The following GABRB1 variants were observed in gnomAD, a reference collection of about 807,000 sequenced individuals.
The protein encoded by GABRB1 is gamma-aminobutyric acid type A receptor subunit beta1.
GABRB1 carries 17 observed loss-of-function variants against 51.6 expected under a neutral mutation model. That is an observed-to-expected ratio of 0.33 (90% CI 0.23 to 0.49). GABRB1 has a LOEUF of 0.49. GABRB1 is among the 20% of genes least tolerant of loss of function. The probability of loss-of-function intolerance (pLI) is 0.99; values close to 1 mark genes in which losing one functional copy is unlikely to be tolerated. For synonymous variants in GABRB1, 247 were observed against 218.9 expected (o/e 1.13, Z -1.14); for missense variants, 410 against 600.6 (o/e 0.68, Z 3.32).
At chr4:47,374,153 G>T (rs2110021858) in intron 5 of GABRB1, among the ~76,000 whole-genome samples, 1 of 152,332 alleles carries the variant, frequency 6.6e-6, no homozygotes, top group Non-Finnish European at 1.5e-5. Flanking sequence ...TTCCCGCAAG[G>T]TATATGTGAT....
rs538969135 is a variant in GABRB1, at chr4:47,006,146, C to A, written c.-20+12220C>A. On this transcript the variant is annotated intron_variant, in intron 1 of 3. Transcript: ENST00000513567. Reference sequence around the variant, plus strand: ...TAGATCATTTCCGACAGAATTATAACGAAAAATGTGTTTTTCTCTGTCCCT... The same window carrying A: ...TAGATCATTTCCGACAGAATTATAAAGAAAAATGTGTTTTTCTCTGTCCCT... 3.3e-5 allele frequency among the ~76,000 whole-genome samples: 5 copies of A among 151,894 alleles called. No homozygotes were observed. The East Asian group carries it at 9.7e-4, about 30-fold the overall frequency.
chr4:47,088,599 A>G (rs1311694161), intron 3 of GABRB1, among the ~76,000 whole-genome samples: 4 of 152,350 alleles, frequency 2.6e-5, no homozygotes, highest in African/African-American at 9.6e-5. Flanking sequence ...TGTACTTAGT[A>G]CCAGGAGAAA....
At chr4:47,117,506 C>T (rs980523273) in intron 3 of GABRB1, among the ~76,000 whole-genome samples, 10 of 152,102 alleles carry the variant, frequency 6.6e-5, no homozygotes, top group Admixed American at 5.9e-4. Flanking sequence ...TCATGATCCT[C>T]CCATTTCAAC....
intron 4 of GABRB1, among the ~76,000 whole-genome samples, chr4:47,166,188 A>C (rs1718178009): frequency 6.6e-6 from 1 of 152,092 alleles, no homozygotes; most frequent in African/African-American, 2.4e-5. Flanking sequence ...ATTTTATCCC[A>C]TAAACATTTC....
chr4:47,202,203 A>T (rs559637464), intron 4 of GABRB1, among the ~76,000 whole-genome samples: 1 of 152,274 alleles, frequency 6.6e-6, no homozygotes, highest in Admixed American at 6.5e-5. Flanking sequence ...AGCTCTCACA[A>T]GATCTGATGG....
At chr4:47,288,528 C>T (rs1311033174) in intron 4 of GABRB1, among the ~76,000 whole-genome samples, 1 of 152,102 alleles carries the variant, frequency 6.6e-6, no homozygotes, top group African/African-American at 2.4e-5. Context: ...TCCCAAAATG[C>T]TGGGATTACA....
chr4:47,132,488 G>T (rs935346606), intron 3 of GABRB1, among the ~76,000 whole-genome samples: 2 of 151,982 alleles, frequency 1.3e-5, no homozygotes, highest in African/African-American at 2.4e-5. Flanking sequence ...TATTTTTAGA[G>T]GATAGGATTT....
chr4:47,132,347 T>A (rs1389175071), intron 3 of GABRB1, among the ~76,000 whole-genome samples: 1 of 152,192 alleles, frequency 6.6e-6, no homozygotes, highest in Admixed American at 6.6e-5. Flanking sequence ...TGGGCTTGTT[T>A]ACCATCTCTG....
At chr4:47,080,885 G>T (rs995926990) in intron 3 of GABRB1, among the ~76,000 whole-genome samples, 4 of 152,126 alleles carry the variant, frequency 2.6e-5, no homozygotes, top group Non-Finnish European at 4.4e-5. Context: ...ACACAAATGG[G>T]CTTTGCTTGG....
At chr4:47,042,843 T>C (rs1317006192) in intron 3 of GABRB1, among the ~76,000 whole-genome samples, 1 of 152,056 alleles carries the variant, frequency 6.6e-6, no homozygotes, top group Non-Finnish European at 1.5e-5. Flanking sequence ...TGCCTAGTCA[T>C]TTTGTATGTA....
Position 47,406,638 on chromosome 4 carries a change from T to C in GABRB1, c.836-44T>C, listed in dbSNP as rs559346676. Reference sequence around the variant, plus strand: ...TCCTCTCAATCTTGAAAAAGGAACTTAATAGTGGCACCTTCAGCTAAGTGT... The same window carrying C: ...TCCTCTCAATCTTGAAAAAGGAACTCAATAGTGGCACCTTCAGCTAAGTGT... On this transcript the variant is annotated intron_variant, in intron 7 of 8. Transcript: ENST00000295454. 3.1e-6 allele frequency: 5 copies of C among 1,611,592 alleles called. No individual in the cohort carries two copies. In the South Asian group the frequency reaches 5.5e-5, roughly 18 times the overall value.
chr4:47,226,711 A>G (rs983851945), intron 4 of GABRB1, among the ~76,000 whole-genome samples: 1 of 152,154 alleles, frequency 6.6e-6, no homozygotes, highest in Admixed American at 6.6e-5. Flanking sequence ...ACCTATAAAT[A>G]TCTCAATAAA....
intron 5 of GABRB1, among the ~76,000 whole-genome samples, chr4:47,350,408 T>C (rs1726284458): frequency 6.6e-6 from 1 of 151,536 alleles, no homozygotes; most frequent in Non-Finnish European, 1.5e-5. Flanking sequence ...CAAACTCCCC[T>C]ATAATGCAGT....
rs188690877 is a variant in GABRB1, at chr4:47,328,148, T to A, written c.544+7939T>A. 7.0e-4 allele frequency among the ~76,000 whole-genome samples: 106 copies of A among 152,332 alleles called. 1 individual carries two copies. In the East Asian group the frequency reaches 0.017, roughly 24 times the overall value. ...CTGTTCATATCCTTTGCCCACTTTT[T>A]GATGGGGTTGTTTGTTTTTTTTCTT... On this transcript the variant is annotated intron_variant, in intron 5 of 8. Transcript: ENST00000295454.
chr4:47,052,686 G>A (rs1274491957), intron 3 of GABRB1, among the ~76,000 whole-genome samples: 1 of 152,158 alleles, frequency 6.6e-6, no homozygotes, highest in Non-Finnish European at 1.5e-5. Flanking sequence ...TGGCTCTGCT[G>A]ATCTGTCTGT....
At chr4:47,065,953 C>G (rs889272066) in intron 3 of GABRB1, among the ~76,000 whole-genome samples, 1 of 152,160 alleles carries the variant, frequency 6.6e-6, no homozygotes, top group South Asian at 2.1e-4. Flanking sequence ...TACTGTGTGT[C>G]AGGCTAATTA....
intron 4 of GABRB1, among the ~76,000 whole-genome samples, chr4:47,207,204 T>C (rs1720168175): frequency 6.6e-6 from 1 of 152,034 alleles, no homozygotes; most frequent in Non-Finnish European, 1.5e-5. Context: ...AGCTCATTTA[T>C]CTCCATAGTC....
chr4:47,181,333 T>C (rs1365478258), intron 4 of GABRB1, among the ~76,000 whole-genome samples: 2 of 152,084 alleles, frequency 1.3e-5, no homozygotes, highest in Non-Finnish European at 2.9e-5. Context: ...TTATTTTAAT[T>C]GCCATATTTT....
intron 3 of GABRB1, among the ~76,000 whole-genome samples, chr4:47,136,923 G>T (rs189426829): frequency 1.3e-5 from 2 of 151,960 alleles, no homozygotes; most frequent in African/African-American, 4.8e-5. Flanking sequence ...CAGTGTAGAA[G>T]GCAAAGTTTT....
Sources: allele counts gnomAD v4.1 joint callset (sites outside exome capture counted in the v4.1 genomes callset), GRCh38; gene constraint gnomAD v4.1.1; transcripts MANE v1.5; gene names NCBI Gene and HGNC (gene_info 2026-07-23, HGNC 2026-07-21).